The following ADGRB3 variants were observed in gnomAD, a reference collection of about 807,000 sequenced individuals.
ADGRB3 encodes brain-specific angiogenesis inhibitor 3.
ADGRB3 carries 37 observed loss-of-function variants against 193.4 expected under a neutral mutation model. The observed-to-expected ratio is 0.19, with a 90% CI of 0.15 to 0.25. The LOEUF is 0.25. Ranked by LOEUF, ADGRB3 falls within the 10% of genes least tolerant of loss-of-function variation. The probability of loss-of-function intolerance (pLI) is 1.00; values close to 1 mark genes in which losing one functional copy is unlikely to be tolerated. For missense variants in ADGRB3, 1,637 were observed against 1,852.9 expected (o/e 0.88, Z 2.14); for synonymous variants, 690 against 644.2 (o/e 1.07, Z -1.08).
At chr6:68,944,099 G>T in intron 6 of ADGRB3, 105 bp downstream of exon 6, 3 of 1,242,488 alleles carry the variant, frequency 2.4e-6, no homozygotes, top group Non-Finnish European at 3.3e-6. Flanking sequence ...AGTCACGTTG[G>T]GAAATGTGTC....
chr6:69,295,130 A>G (rs920071099), intron 20 of ADGRB3, among the ~76,000 whole-genome samples: 1 of 152,180 alleles, frequency 6.6e-6, no homozygotes, highest in Non-Finnish European at 1.5e-5. Flanking sequence ...TGATGTTACT[A>G]AAAACCACAG....
intron 20 of ADGRB3, among the ~76,000 whole-genome samples, chr6:69,254,288 A>G (rs1057063886): frequency 6.6e-6 from 1 of 152,184 alleles, no homozygotes; most frequent in South Asian, 2.1e-4. Context: ...TCTTTTGCCT[A>G]TTAATTCAAA....
chr6:69,339,326 T>C lies in ADGRB3; in HGVS notation c.3288-7T>C, dbSNP rs368652586. Reference sequence around the variant, plus strand: ...GCTACGTAATGTTACTTTCTTGGTCTCAACAGGGCGTCTCTTTGGAGCTCC... The same window carrying C: ...GCTACGTAATGTTACTTTCTTGGTCCCAACAGGGCGTCTCTTTGGAGCTCC... On this transcript the variant is annotated splice_polypyrimidine_tract_variant and splice_region_variant and intron_variant, in intron 25 of 31. Coordinates refer to ENST00000370598, the MANE Select transcript of ADGRB3 (RefSeq NM_001704.3). The C allele has an allele frequency of 3.7e-6, 6 of 1,612,606 alleles. No individual in the cohort carries two copies. Among genetic ancestry groups the C allele is most frequent in the Non-Finnish European group, 5.1e-6 (6 of 1,179,070 alleles).
At chr6:68,821,811 A>C (rs1767752990) in intron 3 of ADGRB3, among the ~76,000 whole-genome samples, 1 of 151,964 alleles carries the variant, frequency 6.6e-6, no homozygotes. Flanking sequence ...TAAGAAATAA[A>C]AGGATTTAGT....
intron 5 of ADGRB3, among the ~76,000 whole-genome samples, chr6:68,940,335 T>C (rs1201095028): frequency 6.6e-6 from 1 of 151,932 alleles, no homozygotes; most frequent in Non-Finnish European, 1.5e-5. Flanking sequence ...TCCTGTGTAT[T>C]TTTTTAATGT....
intron 3 of ADGRB3, among the ~76,000 whole-genome samples, chr6:68,898,752 A>G (rs182585553): frequency 2.0e-5 from 3 of 152,268 alleles, no homozygotes; most frequent in Admixed American, 6.5e-5. Context: ...TGTTCATTAC[A>G]TGTACCCTTG....
chr6:69,089,304 T>C (rs1343355884), intron 17 of ADGRB3, among the ~76,000 whole-genome samples: 1 of 152,218 alleles, frequency 6.6e-6, no homozygotes, highest in African/African-American at 2.4e-5. Flanking sequence ...TGAGACCTAC[T>C]TTGAACACAG....
At chr6:69,155,312 A>G (rs1244024427) in intron 17 of ADGRB3, among the ~76,000 whole-genome samples, 2 of 152,230 alleles carry the variant, frequency 1.3e-5, no homozygotes, top group East Asian at 1.9e-4. Flanking sequence ...CAAGATAAAC[A>G]TCTACATCTA....
intron 20 of ADGRB3, among the ~76,000 whole-genome samples, chr6:69,300,862 T>A (rs978378308): frequency 6.6e-5 from 10 of 151,814 alleles, no homozygotes; most frequent in Non-Finnish European, 1.5e-4. Context: ...GAATTGTCAC[T>A]ATCATGATGA....
intron 17 of ADGRB3, among the ~76,000 whole-genome samples, chr6:69,187,536 G>C (rs2150353635): frequency 6.6e-6 from 1 of 152,312 alleles, no homozygotes; most frequent in South Asian, 2.1e-4. Flanking sequence ...AATTCAGGCA[G>C]AAATGTACCA....
At chr6:69,009,097 T>C (rs759552986) in intron 11 of ADGRB3, among the ~76,000 whole-genome samples, 2 of 152,116 alleles carry the variant, frequency 1.3e-5, no homozygotes, top group Non-Finnish European at 2.9e-5. Context: ...CAGTTTTAAA[T>C]AGTTGAGTAT....
chr6:68,665,762 A>G (rs939221812), intron 3 of ADGRB3, among the ~76,000 whole-genome samples: 32 of 151,852 alleles, frequency 2.1e-4, no homozygotes, highest in Non-Finnish European at 1.0e-4. Context: ...CTAATTAGGG[A>G]AATAAAATAT....
intron 12 of ADGRB3, among the ~76,000 whole-genome samples, chr6:69,015,132 T>C (rs1004222551): frequency 1.4e-4 from 21 of 152,146 alleles, no homozygotes; most frequent in East Asian, 3.9e-4. Context: ...TGTAAGAAGA[T>C]GGTGTCTTTC....
chr6:69,023,816 T>C (rs1770342870), intron 13 of ADGRB3, among the ~76,000 whole-genome samples: 1 of 152,104 alleles, frequency 6.6e-6, no homozygotes, highest in Admixed American at 6.6e-5. Context: ...GTGGTAAGAA[T>C]AGGAACTGAC....
intron 15 of ADGRB3, among the ~76,000 whole-genome samples, chr6:69,059,299 T>G (rs1313694598): frequency 6.6e-6 from 1 of 152,260 alleles, no homozygotes; most frequent in East Asian, 1.9e-4. Context: ...TGGTTATCTT[T>G]TACATAGGAT....
intron 10 of ADGRB3, among the ~76,000 whole-genome samples, chr6:68,982,840 G>T (rs1308354133): frequency 6.6e-6 from 1 of 152,022 alleles, no homozygotes; most frequent in African/African-American, 2.4e-5. Context: ...CTACCCGAGA[G>T]GTGCTCTGCC....
chr6:69,106,943 G>T (rs1478431798), intron 17 of ADGRB3, among the ~76,000 whole-genome samples: 1 of 152,102 alleles, frequency 6.6e-6, no homozygotes, highest in Non-Finnish European at 1.5e-5. Context: ...AAAGAAAAAT[G>T]GAAGAAATTT....
At chr6:69,149,797 C>T (rs1196880357) in intron 17 of ADGRB3, among the ~76,000 whole-genome samples, 4 of 152,114 alleles carry the variant, frequency 2.6e-5, no homozygotes, top group South Asian at 2.1e-4. Context: ...TGCTGCGGCT[C>T]TTGCAGACCA....
chr6:68,860,183 A>G (rs1381065312), intron 3 of ADGRB3, among the ~76,000 whole-genome samples: 1 of 152,158 alleles, frequency 6.6e-6, no homozygotes, highest in East Asian at 1.9e-4. Context: ...AAAGAAAATC[A>G]AGCCTCACAC....
Sources: allele counts gnomAD v4.1 joint callset (sites outside exome capture counted in the v4.1 genomes callset), GRCh38; gene constraint gnomAD v4.1.1; transcripts MANE v1.5; gene names NCBI Gene and HGNC (gene_info 2026-07-23, HGNC 2026-07-21).